The following LMBR1 variants were observed in gnomAD, a reference collection of about 807,000 sequenced individuals.
LMBR1 encodes limb region 1 protein homolog.
Under a neutral mutation model 73.9 loss-of-function variants are expected in LMBR1, and 52 were observed. That is an observed-to-expected ratio of 0.70 (90% CI 0.56 to 0.89). The LOEUF (loss-of-function observed/expected upper bound fraction) is 0.89. LMBR1 is among the 40% of genes least tolerant of loss of function. The probability of loss-of-function intolerance (pLI) is 0.00; values close to 1 mark genes in which losing one functional copy is unlikely to be tolerated. For synonymous variants in LMBR1, 215 were observed against 209.4 expected, an observed-to-expected ratio of 1.03 and a Z score of -0.23; for missense variants, 539 against 579.8, an observed-to-expected ratio of 0.93 and a Z score of 0.72.
intron 9 of LMBR1, among the ~76,000 whole-genome samples, chr7:156,746,081 AAGAC>A (rs1349396204): frequency 1.3e-5 from 2 of 152,232 alleles, no homozygotes; most frequent in African/African-American, 2.4e-5. Flanking sequence ...GATTTACAGA[AAGAC>A]AGCACAGCTC....
intron 16 of LMBR1, among the ~76,000 whole-genome samples, chr7:156,684,834 A>G (rs1306267108): frequency 3.3e-5 from 5 of 152,142 alleles, no homozygotes; most frequent in Admixed American, 3.3e-4. Context: ...GCTCATGCCT[A>G]TAATCCCAGC....
intron 1 of LMBR1, among the ~76,000 whole-genome samples, chr7:156,868,232 C>T (rs1209289501): frequency 2.0e-5 from 3 of 146,470 alleles, no homozygotes; most frequent in Non-Finnish European, 4.5e-5. Flanking sequence ...CTCACTCTGT[C>T]GCCCAGGCTG....
chr7:156,681,583 C>T lies in LMBR1; in HGVS notation c.*2495G>A, dbSNP rs1402771385. On this transcript the variant is annotated 3_prime_UTR_variant, in exon 17 of 17. Coordinates refer to ENST00000353442, the MANE Select transcript of LMBR1 (RefSeq NM_022458.4). Reference sequence around the variant, plus strand: ...AATTAATAAGAATCTGCAAGTTTTCCCCAAGAAACTCTGGAACCATAGTGC... The same window carrying T: ...AATTAATAAGAATCTGCAAGTTTTCTCCAAGAAACTCTGGAACCATAGTGC... 1 of 153,270 alleles carries T rather than the reference C, an allele frequency of 6.5e-6. No individual in the cohort carries two copies. Among genetic ancestry groups the T allele is most frequent in the East Asian group, 1.9e-4 (1 of 5,218 alleles). The allele number at this position is 153,270 out of a possible 1,614,324, so 9.5% of individuals were successfully genotyped here. A position where few individuals can be genotyped will look rare whatever the true frequency, so the allele number is the denominator to read the frequency against.
At chr7:156,869,239 A>C (rs1798917208) in intron 1 of LMBR1, among the ~76,000 whole-genome samples, 1 of 152,160 alleles carries the variant, frequency 6.6e-6, no homozygotes, top group South Asian at 2.1e-4. Context: ...CTGTACTATT[A>C]TATTTGGATA....
At position 156,670,311 on chromosome 7, in the gene LMBR1, G is replaced by A. The variant is rs533836919; in HGVS notation, n.867-1024C>T. ...TACACACACATTCTAGTCAGGCCCT[G>A]CCTTCAGCTCACTGAGGAGTCAGGT... On this transcript the variant is annotated intron_variant and non_coding_transcript_variant, in intron 4 of 4. Transcript: ENST00000430825. This position sits in a 1 kb window ranked among gnomAD's most constrained non-coding sequence, Gnocchi z 4.3. Among the ~76,000 whole-genome samples, 10 of 152,306 alleles carry A rather than the reference G, an allele frequency of 6.6e-5. No homozygotes were observed. The East Asian group carries it at 1.9e-3, about 29-fold the overall frequency.
chr7:156,887,203 C>T (rs1391313418), intron 1 of LMBR1, among the ~76,000 whole-genome samples: 7 of 152,166 alleles, frequency 4.6e-5, no homozygotes, highest in Non-Finnish European at 8.8e-5. Flanking sequence ...CGGTGGCTCA[C>T]GCCTGTAATC....
At chr7:156,829,570 G>A (rs1395639394) in intron 3 of LMBR1, among the ~76,000 whole-genome samples, 1 of 152,094 alleles carries the variant, frequency 6.6e-6, no homozygotes, top group East Asian at 1.9e-4. Context: ...CTGCAGAACT[G>A]CGAGCCAAAT....
intron 11 of LMBR1, 118 bp from the exon 12 acceptor site, chr7:156,728,125 C>CTA (rs572583886): frequency 2.2e-5 from 15 of 684,760 alleles, no homozygotes; most frequent in South Asian, 1.9e-4. Context: ...GACCAAAACG[C>CTA]TATATATAAA....
chr7:156,687,054 CT>C (rs1806151323), intron 16 of LMBR1, among the ~76,000 whole-genome samples: 1 of 152,192 alleles, frequency 6.6e-6, no homozygotes, highest in South Asian at 2.1e-4. Context: ...CATCTGAAAT[CT>C]TTTGTGCCTC....
chr7:156,797,602 G>A (rs74439865), intron 4 of LMBR1, among the ~76,000 whole-genome samples: 4,840 of 152,310 alleles, frequency 0.032, 124 homozygotes, highest in South Asian at 0.085. Context: ...GCTGGCAGTG[G>A]GCACAGGGAG....
At chr7:156,743,765 T>C (rs1819335133) in intron 9 of LMBR1, among the ~76,000 whole-genome samples, 1 of 152,194 alleles carries the variant, frequency 6.6e-6, no homozygotes, top group Non-Finnish European at 1.5e-5. Flanking sequence ...AGATATACTT[T>C]TCATTATAAT....
At chr7:156,706,376 G>C (rs1187484990) in intron 15 of LMBR1, among the ~76,000 whole-genome samples, 1 of 152,002 alleles carries the variant, frequency 6.6e-6, no homozygotes, top group East Asian at 1.9e-4. Context: ...AATCAGCAAA[G>C]AAACACTGTA....
intron 16 of LMBR1, among the ~76,000 whole-genome samples, chr7:156,687,764 T>A (rs751324273): frequency 6.6e-6 from 1 of 152,204 alleles, no homozygotes; most frequent in Non-Finnish European, 1.5e-5. Flanking sequence ...GTTCTTAGGA[T>A]GTGCCAGGCG....
At chr7:156,790,480 TTGCCACTGTTA>T (rs1036105493) in intron 5 of LMBR1, among the ~76,000 whole-genome samples, 19 of 152,198 alleles carry the variant, frequency 1.2e-4, no homozygotes, top group Admixed American at 1.2e-3. Flanking sequence ...TTCACATTTT[TTGCCACTGTTA>T]TGCAAATAAA....
intron 10 of LMBR1, among the ~76,000 whole-genome samples, chr7:156,733,238 C>T (rs1399608459): frequency 1.3e-5 from 2 of 152,072 alleles, no homozygotes; most frequent in African/African-American, 4.8e-5. Context: ...TTCAAAATAC[C>T]TATTTTCTAA....
intron 4 of LMBR1, among the ~76,000 whole-genome samples, chr7:156,800,429 G>C (rs1489969269): frequency 7.5e-6 from 1 of 133,742 alleles, no homozygotes; most frequent in Non-Finnish European, 1.5e-5. Context: ...CAGCACATCT[G>C]TTTACAGCAT....
rs1044426032 is a variant in LMBR1, at chr7:156,678,087, G to A, written c.*5991C>T. On this transcript the variant is annotated 3_prime_UTR_variant, in exon 17 of 17. Transcript: ENST00000353442. The stretch of plus-strand genomic sequence containing the variant: ...CAGGAAAGGTTGTGCCTAAGGCTGT[G>A]CCCAACACTTCTTCCGGGGCTTTCT... 1.3e-5 allele frequency: 2 copies of A among 152,260 alleles called. No individual in the cohort carries two copies. Among genetic ancestry groups the A allele is most frequent in the Non-Finnish European group, 2.9e-5 (2 of 68,058 alleles). The allele number at this position is 152,260 out of a possible 1,614,324, so 9.4% of individuals were successfully genotyped here.
At chr7:156,803,455 C>A (rs1458395621) in intron 4 of LMBR1, among the ~76,000 whole-genome samples, 1 of 152,082 alleles carries the variant, frequency 6.6e-6, no homozygotes, top group Non-Finnish European at 1.5e-5. Flanking sequence ...CAATGAGACA[C>A]CATCTCACAC....
At chr7:156,845,302 C>T (rs1457820750) in intron 1 of LMBR1, among the ~76,000 whole-genome samples, 2 of 152,064 alleles carry the variant, frequency 1.3e-5, no homozygotes, top group Non-Finnish European at 2.9e-5. Context: ...ATAATGCAGC[C>T]TGGGCAATGG....
Sources: allele counts gnomAD v4.1 joint callset (sites outside exome capture counted in the v4.1 genomes callset), GRCh38; gene constraint gnomAD v4.1.1; non-coding constraint Gnocchi (gnomAD v3.1); transcripts MANE v1.5; gene names NCBI Gene and HGNC (gene_info 2026-07-23, HGNC 2026-07-21).